SMYD2: variants seen among roughly 807,000 people sequenced by gnomAD.
SMYD2 encodes SET and MYND domain containing 2.
SMYD2 carries 53 observed loss-of-function variants against 59.1 expected under a neutral mutation model. That is an observed-to-expected ratio of 0.90 (90% CI 0.72 to 1.13). SMYD2 has a LOEUF of 1.13. Among genes scored for constraint, SMYD2 ranks in the 50% most tolerant of loss-of-function variants. SMYD2 has a pLI of 0.00. For synonymous variants in SMYD2, 208 were observed against 198.8 expected (o/e 1.05, Z -0.39); for missense variants, 494 against 544.7 (o/e 0.91, Z 0.93).
chr1:214,314,682 G>T, intron 2 of SMYD2, 80 bp from the exon 3 acceptor site: 1 of 983,092 alleles, frequency 1.0e-6, no homozygotes, highest in South Asian at 1.4e-5. Flanking sequence ...TAACTAGGGG[G>T]ACTCACTGCA....
rs956831649 is a variant in SMYD2, at chr1:214,312,739, T to G, written c.238-2023T>G. 6.6e-6 allele frequency among the ~76,000 whole-genome samples: 1 copy of G among 152,148 alleles called. No individual in the cohort carries two copies. Among genetic ancestry groups the G allele is most frequent in the Non-Finnish European group, 1.5e-5 (1 of 68,018 alleles). ...CAGGTGAGAGTACGGTGGGGGATGA[T>G]GGGCTGGGGTGGTGCAGGGACGCTC... On this transcript the variant is annotated intron_variant, in intron 2 of 11. Transcript: ENST00000366957. This position sits in a 1 kb window ranked among gnomAD's most constrained non-coding sequence, Gnocchi z 4.1.
At chr1:214,314,543 C>T (rs761960427) in intron 2 of SMYD2, among the ~76,000 whole-genome samples, 2 of 152,196 alleles carry the variant, frequency 1.3e-5, no homozygotes, top group Non-Finnish European at 2.9e-5. Flanking sequence ...TAGATCTTCT[C>T]ATCCCAACAA....
chr1:214,332,223 G>C, intron 10 of SMYD2, 31 bp downstream of exon 10: 1 of 1,608,838 alleles, frequency 6.2e-7, no homozygotes, highest in Non-Finnish European at 8.5e-7. Flanking sequence ...AATCATCCAC[G>C]GAGTGGAATT....
At chr1:214,329,124 T>C (rs577000930) in intron 7 of SMYD2, among the ~76,000 whole-genome samples, 11 of 152,368 alleles carry the variant, frequency 7.2e-5, no homozygotes, top group Middle Eastern at 3.4e-3. Context: ...TTTGCCCTTA[T>C]GTTCTCCCAG....
chr1:214,313,917 G>A (rs1225020448), intron 2 of SMYD2, among the ~76,000 whole-genome samples: 1 of 152,132 alleles, frequency 6.6e-6, no homozygotes, highest in Non-Finnish European at 1.5e-5. Context: ...GGTGGCTCAC[G>A]CCTGTAATCC....
chr1:214,317,352 A>G (rs1321352740), intron 3 of SMYD2, among the ~76,000 whole-genome samples: 1 of 152,238 alleles, frequency 6.6e-6, no homozygotes, highest in Non-Finnish European at 1.5e-5. Context: ...GCAAAGGATT[A>G]GGGGAGACAG....
intron 1 of SMYD2, among the ~76,000 whole-genome samples, chr1:214,297,551 T>A (rs1656754649): frequency 6.6e-6 from 1 of 152,106 alleles, no homozygotes; most frequent in Non-Finnish European, 1.5e-5. Context: ...TCATAGGATC[T>A]CTCTCCTCTC....
intron 10 of SMYD2, 190 bp from the exon 11 acceptor site, chr1:214,334,010 C>G (rs1657397224): frequency 2.0e-6 from 1 of 492,888 alleles, no homozygotes; most frequent in South Asian, 3.6e-5. Flanking sequence ...AAATAATGAA[C>G]AACATCTGCA....
chr1:214,284,160 T>G (rs1656493126), intron 1 of SMYD2, among the ~76,000 whole-genome samples: 1 of 151,876 alleles, frequency 6.6e-6, no homozygotes, highest in Admixed American at 6.6e-5. Context: ...TTGGAAGCTG[T>G]CCCTATCAGA....
At chr1:214,282,440 A>G (rs954680030) in intron 1 of SMYD2, among the ~76,000 whole-genome samples, 2 of 152,210 alleles carry the variant, frequency 1.3e-5, no homozygotes, top group African/African-American at 4.8e-5. Flanking sequence ...TTAAGTTTAT[A>G]TCAGGCCTTC....
chr1:214,316,496 GA>G (rs752561551), intron 3 of SMYD2, among the ~76,000 whole-genome samples: 6,289 of 138,928 alleles, frequency 0.045, 440 homozygotes, highest in African/African-American at 0.15. Flanking sequence ...CTCTAAAAAT[GA>G]AAAAAAAAAA....
At chr1:214,328,331 T>C (rs1055287639) in intron 7 of SMYD2, among the ~76,000 whole-genome samples, 2 of 152,184 alleles carry the variant, frequency 1.3e-5, no homozygotes, top group East Asian at 1.9e-4. Flanking sequence ...TATGCAGTAA[T>C]AGGAGAAGTC....
intron 5 of SMYD2, among the ~76,000 whole-genome samples, chr1:214,321,489 C>T (rs1657171656): frequency 6.6e-6 from 1 of 152,218 alleles, no homozygotes; most frequent in African/African-American, 2.4e-5. Flanking sequence ...CAAAGTGCTG[C>T]TGCAGCCACA....
At chr1:214,284,796 G>T (rs1230109497) in intron 1 of SMYD2, among the ~76,000 whole-genome samples, 1 of 152,154 alleles carries the variant, frequency 6.6e-6, no homozygotes, top group Non-Finnish European at 1.5e-5. Context: ...GATTACAGGC[G>T]TGAGCCACCG....
At chr1:214,292,095 AGAG>A in intron 1 of SMYD2, among the ~76,000 whole-genome samples, 1 of 146,732 alleles carries the variant, frequency 6.8e-6, no homozygotes, top group South Asian at 2.1e-4. Flanking sequence ...AGGGTGAGAG[AGAG>A]AGAGAGAGAG....
chr1:214,281,558 G>A, intron 1 of SMYD2, 131 bp downstream of exon 1: 1 of 656,196 alleles, frequency 1.5e-6, no homozygotes. Context: ...GTGGGGGGCG[G>A]GGAGGGGAGG....
chr1:214,313,090 A>G (rs1458797731), intron 2 of SMYD2, among the ~76,000 whole-genome samples: 1 of 152,142 alleles, frequency 6.6e-6, no homozygotes, highest in African/African-American at 2.4e-5. Context: ...GAGCAGCGTC[A>G]AGGATGACTC....
chr1:214,305,346 C>G lies in SMYD2; in HGVS notation c.237+96C>G. 3.3e-6 allele frequency: 4 copies of G among 1,210,976 alleles called. No homozygotes were observed. The South Asian group carries it at 4.9e-5, about 15-fold the overall frequency. The allele number at this position is 1,210,976 out of a possible 1,614,324, so 75.0% of individuals were successfully genotyped here. On this transcript the variant is annotated intron_variant, in intron 2 of 11. Transcript: ENST00000366957. ...CCTCAGCGCCCTCCTGGAGCCAGAG[C>G]TGGAAAGCATAGGATGTGGCTGGAT...
chr1:214,299,169 T>A (rs901340482), intron 1 of SMYD2, among the ~76,000 whole-genome samples: 1 of 151,904 alleles, frequency 6.6e-6, no homozygotes, highest in African/African-American at 2.4e-5. Context: ...CCAGAAAAAT[T>A]AAAAAATAAC....
Sources: allele counts gnomAD v4.1 joint callset (sites outside exome capture counted in the v4.1 genomes callset), GRCh38; gene constraint gnomAD v4.1.1; non-coding constraint Gnocchi (gnomAD v3.1); transcripts MANE v1.5; gene names NCBI Gene and HGNC (gene_info 2026-07-23, HGNC 2026-07-21).